Variants in CHD7 observed in about 807,000 individuals in gnomAD.
CHD7 encodes chromodomain helicase DNA binding protein 7, also known as ATP-dependent chromatin remodeler CHD7.
A neutral mutation model predicts 307.3 loss-of-function variants in CHD7; 24 were observed. The observed-to-expected ratio is 0.08, with a 90% CI of 0.06 to 0.11. The LOEUF is 0.11. Among genes scored for constraint, CHD7 ranks in the 10% least tolerant of loss-of-function variants. The pLI is 1.00. For missense variants in CHD7, 3,106 were observed against 3,727.1 expected, an observed-to-expected ratio of 0.83 and a Z score of 4.34; for synonymous variants, 1,363 against 1,349.9, an observed-to-expected ratio of 1.01 and a Z score of -0.21.
chr8:60,842,048 T>A lies in CHD7; in HGVS notation c.4846T>A (p.Tyr1616Asn). 6.2e-7 allele frequency: 1 copy of A among 1,611,866 alleles called. No homozygotes were observed. The change falls in exon 21 of 38, where the codon TAT (tyrosine) becomes AAT (asparagine). Residue 1616 changes from tyrosine to asparagine, a missense_variant. By Grantham distance (143) the Tyr-to-Asn change is moderately radical. Transcript: ENST00000423902. Reference protein sequence around the residue: ...CFRVEKNLLVYGWGRWTDILS... With the variant: ...CFRVEKNLLVNGWGRWTDILS... ...CAGGGTGGAGAAGAATCTGCTTGTC[T>A]ATGGGTAAGTAGGACTCACTACGTA... is the stretch of plus-strand genomic sequence containing the variant.
chr8:60,841,443 C>A (rs1041743206), intron 19 of CHD7, among the ~76,000 whole-genome samples: 1 of 152,208 alleles, frequency 6.6e-6, no homozygotes, highest in East Asian at 1.9e-4. Context: ...TATCACTCTG[C>A]AGTGTAATTC....
chr8:60,723,135 A>C lies in CHD7; in HGVS notation c.-174-18124A>C, dbSNP rs563339406. Reference sequence around the variant, plus strand: ...TTTTAAATTTGTATTTGTTAATATTACCACCTATCTAATCAGAAAGCCTTT... The same window carrying C: ...TTTTAAATTTGTATTTGTTAATATTCCCACCTATCTAATCAGAAAGCCTTT... On this transcript the variant is annotated intron_variant, in intron 1 of 37. Coordinates refer to ENST00000423902, the MANE Select transcript of CHD7 (RefSeq NM_017780.4). Among the ~76,000 whole-genome samples the C allele has an allele frequency of 8.5e-4, 129 of 152,190 alleles. 3 individuals carry two copies. The highest frequency in any genetic ancestry group is 2.1e-4 in the South Asian group (1 of 4,814).
At chr8:60,732,204 T>C (rs1808487778) in intron 1 of CHD7, among the ~76,000 whole-genome samples, 1 of 152,236 alleles carries the variant, frequency 6.6e-6, no homozygotes, top group Non-Finnish European at 1.5e-5. Flanking sequence ...TCAGTACACT[T>C]TTAAACTCCC....
chr8:60,710,858 A>G (rs954405811), intron 1 of CHD7, among the ~76,000 whole-genome samples: 4 of 152,212 alleles, frequency 2.6e-5, no homozygotes, highest in African/African-American at 9.6e-5. Flanking sequence ...ATGTGCAGAC[A>G]CCTATCTGCA....
In CHD7 at chr8:60,718,040, A is replaced by G. The variant is rs149808080; in HGVS notation, c.-174-23219A>G. ...CCAGAAGGCATTGTTATCATAGGAG[A>G]TGACAGTTCCATGCCTGTGATGGCC... On this transcript the variant is annotated intron_variant, in intron 1 of 37. Transcript: ENST00000423902. Among the ~76,000 whole-genome samples, 427 of 152,190 alleles carry G rather than the reference A, an allele frequency of 2.8e-3. 1 individual carries two copies. The highest frequency in any genetic ancestry group is 4.7e-3 in the Non-Finnish European group (321 of 68,012).
At chr8:60,688,739 G>T (rs1806044761) in intron 1 of CHD7, among the ~76,000 whole-genome samples, 1 of 152,166 alleles carries the variant, frequency 6.6e-6, no homozygotes, top group Non-Finnish European at 1.5e-5. Flanking sequence ...TCCCAAATCT[G>T]CAATTCTCCA....
intron 2 of CHD7, among the ~76,000 whole-genome samples, chr8:60,770,189 C>G (rs1810643868): frequency 6.6e-6 from 1 of 152,158 alleles, no homozygotes; most frequent in African/African-American, 2.4e-5. Flanking sequence ...TTAAGTTATT[C>G]TGTTCTGCAG....
intron 4 of CHD7, among the ~76,000 whole-genome samples, chr8:60,796,672 A>G (rs1308539547): frequency 6.6e-6 from 1 of 152,106 alleles, no homozygotes; most frequent in African/African-American, 2.4e-5. Context: ...AATCAATTCA[A>G]GTGAACATTG....
intron 1 of CHD7, among the ~76,000 whole-genome samples, chr8:60,720,987 G>T (rs143093039): frequency 1.3e-5 from 2 of 152,128 alleles, no homozygotes; most frequent in African/African-American, 2.4e-5. Context: ...TTCCGTTGGC[G>T]GCTGCTGCTT....
intron 1 of CHD7, among the ~76,000 whole-genome samples, chr8:60,694,620 G>A (rs1806369164): frequency 6.6e-6 from 1 of 152,226 alleles, no homozygotes; most frequent in African/African-American, 2.4e-5. Context: ...CATCCTGCAA[G>A]GACCAGGGCA....
rs1308962131 is a variant in CHD7 at position 60,867,036 on chromosome 8, G to T, written c.*1103G>T. On this transcript the variant is annotated 3_prime_UTR_variant, in exon 38 of 38. Coordinates refer to ENST00000423902, the MANE Select transcript of CHD7 (RefSeq NM_017780.4). ...TCCTCTTATACTAGATTAGCTTTTG[G>T]TAAGACACTAAACTGTCTCGAAGAC... 1 of 151,786 alleles carries T rather than the reference G, an allele frequency of 6.6e-6. No homozygotes were observed. The highest frequency in any genetic ancestry group is 2.4e-5 in the African/African-American group (1 of 41,278). The allele number at this position is 151,786 out of a possible 1,614,324, so 9.4% of individuals were successfully genotyped here.
At chr8:60,746,344 C>G (rs769411269) in intron 2 of CHD7, among the ~76,000 whole-genome samples, 1 of 152,184 alleles carries the variant, frequency 6.6e-6, no homozygotes. Context: ...GACTGTGTTG[C>G]CACATGTGAG....
intron 1 of CHD7, among the ~76,000 whole-genome samples, chr8:60,699,499 T>C (rs935145560): frequency 3.9e-5 from 6 of 152,122 alleles, no homozygotes; most frequent in African/African-American, 1.5e-4. Context: ...ATAGGTCTTA[T>C]TTTATTACAT....
Position 60,853,181 on chromosome 8 carries a change from G to T in CHD7, c.6456G>T (p.Gln2152His). ...ACCCACTGGCAGTTGGATTTGTCCAGACTCCTCCAGTCATCTCATCTGCTC... is the reference window on the plus strand; with the variant it reads ...ACCCACTGGCAGTTGGATTTGTCCATACTCCTCCAGTCATCTCATCTGCTC... ...SLNPLAVGFV[Q>H]TPPVISSAHI... The change falls in exon 31 of 38, where the codon CAG (glutamine) becomes CAT (histidine). Residue 2152 changes from glutamine (Q) to histidine (H), a missense_variant. By Grantham distance (24) the Gln-to-His change is conservative (BLOSUM62 0). Transcript: ENST00000423902. 6.2e-7 allele frequency: 1 copy of T among 1,613,896 alleles called. No individual in the cohort carries two copies. Among genetic ancestry groups the T allele is most frequent in the South Asian group, 1.1e-5 (1 of 91,062 alleles).
rs773594482 is a variant in CHD7, at chr8:60,865,363, C to T, written c.8424C>T (p.Asn2808=). The T allele has an allele frequency of 2.2e-5, 36 of 1,611,564 alleles. No individual in the cohort carries two copies. Among genetic ancestry groups the T allele is most frequent in the East Asian group, 6.7e-5 (3 of 44,824 alleles). The change falls in exon 38 of 38, where the codon AAC becomes AAT. Residue 2808 remains asparagine (N), a synonymous_variant. Transcript: ENST00000423902. The surrounding 1 kb of genome is among the most constrained non-coding windows in gnomAD (Gnocchi z 4.3). ...TGCCAGGAATGGCGGGCCTGCCCAA[C>T]GTGTTTGGCTTGGGCGGGCTGTTGA... ...LMLPGMAGLP[N]VFGLGGLLNN...
intron 1 of CHD7, among the ~76,000 whole-genome samples, chr8:60,731,138 A>G (rs897471478): frequency 6.6e-6 from 1 of 152,186 alleles, no homozygotes; most frequent in South Asian, 2.1e-4. Flanking sequence ...CCCAGAGTGC[A>G]AGAGTAGTGA....
chr8:60,775,706 C>T (rs148322377), intron 2 of CHD7, among the ~76,000 whole-genome samples: 2 of 152,306 alleles, frequency 1.3e-5, no homozygotes, highest in South Asian at 4.1e-4. Context: ...TTTCCTCAGT[C>T]TATTAAGGGC....
intron 21 of CHD7, among the ~76,000 whole-genome samples, chr8:60,843,747 T>G (rs886652810): frequency 6.6e-6 from 1 of 152,210 alleles, no homozygotes; most frequent in Non-Finnish European, 1.5e-5. Context: ...AAAGGTGGCA[T>G]GTACAGCTTG....
chr8:60,741,675 T>G lies in CHD7; in HGVS notation c.243T>G (p.His81Gln). 6.2e-7 allele frequency: 1 copy of G among 1,613,952 alleles called. No individual in the cohort carries two copies. The highest frequency in any genetic ancestry group is 8.5e-7 in the Non-Finnish European group (1 of 1,179,866). Residue 81 changes from histidine to glutamine, a missense_variant, in exon 2 of 38, where the codon CAT (histidine) becomes CAG (glutamine). Coordinates refer to ENST00000423902, the MANE Select transcript of CHD7 (RefSeq NM_017780.4). ...ATCAGTATGAACAACAAAAGATGCA[T>G]CTGATGGATCAGCCGAACAGAATGA... is the stretch of plus-strand genomic sequence containing the variant. Reference protein sequence around the residue: ...HYNQYEQQKMHLMDQPNRMMS... With the variant: ...HYNQYEQQKMQLMDQPNRMMS...
Sources: allele counts gnomAD v4.1 joint callset (sites outside exome capture counted in the v4.1 genomes callset), GRCh38; gene constraint gnomAD v4.1.1; non-coding constraint Gnocchi (gnomAD v3.1); transcripts MANE v1.5; gene names NCBI Gene and HGNC (gene_info 2026-07-23, HGNC 2026-07-21).